Variants in SRGAP2C observed in about 807,000 individuals in gnomAD.
SRGAP2C encodes SLIT-ROBO Rho GTPase-activating protein 2C.
SRGAP2C carries 15 observed loss-of-function variants against 25.1 expected under a neutral mutation model. That is an observed-to-expected ratio of 0.60 (90% CI 0.40 to 0.92). The LOEUF (loss-of-function observed/expected upper bound fraction) is 0.92. SRGAP2C is among the 40% of genes least tolerant of loss of function. The pLI, the probability that SRGAP2C is intolerant of heterozygous loss-of-function variation, is 0.00. For synonymous variants in SRGAP2C, 44 were observed against 96.6 expected (o/e 0.46, Z 3.19); for missense variants, 144 against 264.4 (o/e 0.54, Z 3.16).
chr1:121,376,242 A>T, intron 7 of SRGAP2C, among the ~76,000 whole-genome samples: 3 of 121,314 alleles, frequency 2.5e-5, no homozygotes, highest in Non-Finnish European at 5.2e-5. Context: ...AGTGTATCTC[A>T]TCTCGGAGGC....
chr1:121,277,609 T>A (rs1442394991), intron 2 of SRGAP2C, among the ~76,000 whole-genome samples: 3 of 115,212 alleles, frequency 2.6e-5, no homozygotes, highest in Non-Finnish European at 5.4e-5. Flanking sequence ...GGTCCAGGGA[T>A]AGGGCTGGCT....
intron 4 of SRGAP2C, among the ~76,000 whole-genome samples, chr1:121,328,884 CTGTT>C (rs1658372707): frequency 1.2e-5 from 1 of 82,992 alleles, no homozygotes; most frequent in South Asian, 5.5e-4. Flanking sequence ...CAGACCCTGT[CTGTT>C]TAAAAAAAAA....
chr1:121,282,767 C>G (rs1657278355), intron 2 of SRGAP2C, among the ~76,000 whole-genome samples: 2 of 144,382 alleles, frequency 1.4e-5, no homozygotes, highest in South Asian at 4.4e-4. Context: ...ACCATGTTAG[C>G]CAGGATGGTC....
chr1:121,293,626 T>C (rs1300961470), intron 3 of SRGAP2C, among the ~76,000 whole-genome samples: 30 of 152,276 alleles, frequency 2.0e-4, no homozygotes, highest in Non-Finnish European at 3.2e-4. Flanking sequence ...CCTGGGTCTC[T>C]GGAGTGACAA....
intron 2 of SRGAP2C, among the ~76,000 whole-genome samples, chr1:121,255,642 AC>A (rs1656441971): frequency 6.7e-6 from 1 of 149,540 alleles, no homozygotes; most frequent in Non-Finnish European, 1.5e-5. Flanking sequence ...ACATGGTGAA[AC>A]CCCGTCTCTA....
intron 3 of SRGAP2C, among the ~76,000 whole-genome samples, chr1:121,286,299 T>C (rs1449094290): frequency 7.4e-6 from 1 of 134,798 alleles, no homozygotes. Context: ...CAGGCTGAAG[T>C]ACAATAGCGT....
At chr1:121,308,419 G>C (rs1657897811) in intron 3 of SRGAP2C, among the ~76,000 whole-genome samples, 8 of 151,476 alleles carry the variant, frequency 5.3e-5, no homozygotes, top group Non-Finnish European at 1.2e-4. Flanking sequence ...AGCTACATTA[G>C]GCACAGAAGA....
At position 121,313,699 on chromosome 1, in the gene SRGAP2C, G is replaced by A. The variant is rs1436161800; in HGVS notation, c.261-10779G>A. On this transcript the variant is annotated intron_variant, in intron 3 of 9. Transcript: ENST00000367123. ...TTCTCTTATGAAGCTTAGTTTGGCT[G>A]GATATGAAATTCTGGGTTGAAAATT... is the stretch of plus-strand genomic sequence containing the variant. Among the ~76,000 whole-genome samples the A allele has an allele frequency of 8.3e-5, 8 of 96,272 alleles. 1 individual carries two copies. The highest frequency in any genetic ancestry group is 1.8e-4 in the Non-Finnish European group (8 of 45,428). 63.2% of individuals were successfully genotyped at this position (96,272 alleles called of 152,430 possible). A position where few individuals can be genotyped will look rare whatever the true frequency, so the allele number is the denominator to read the frequency against.
intron 3 of SRGAP2C, among the ~76,000 whole-genome samples, chr1:121,322,121 AAAGAAC>A (rs1658223400): frequency 2.0e-5 from 3 of 149,778 alleles, no homozygotes; most frequent in Non-Finnish European, 2.9e-5. Flanking sequence ...TGCTATAGGG[AAAGAAC>A]CAGTATAGAC....
intron 2 of SRGAP2C, among the ~76,000 whole-genome samples, chr1:121,239,013 A>G (rs781942117): frequency 7.6e-6 from 1 of 130,834 alleles, no homozygotes; most frequent in Non-Finnish European, 1.6e-5. Context: ...GAGGGAGACT[A>G]GAGGCAATAA....
chr1:121,225,717 T>A (rs782494976), intron 2 of SRGAP2C, among the ~76,000 whole-genome samples: 5 of 149,670 alleles, frequency 3.3e-5, no homozygotes, highest in Admixed American at 6.6e-5. Context: ...TTTTAAAACT[T>A]TTTTTTTTTT....
At chr1:121,204,674 T>C (rs1295578939) in intron 2 of SRGAP2C, among the ~76,000 whole-genome samples, 1 of 152,244 alleles carries the variant, frequency 6.6e-6, no homozygotes, top group African/African-American at 2.4e-5. Context: ...TGTTGACGAT[T>C]ATAGGTTGCA....
Position 121,284,984 on chromosome 1 carries a change from C to G in SRGAP2C, c.249C>G (p.Asp83Glu). The G allele has an allele frequency of 6.6e-7, 1 of 1,524,254 alleles. No individual in the cohort carries two copies. The highest frequency in any genetic ancestry group is 8.8e-7 in the Non-Finnish European group (1 of 1,135,036). The allele number at this position is 1,524,254 out of a possible 1,614,324, so 94.4% of individuals were successfully genotyped here. A position where few individuals can be genotyped will look rare whatever the true frequency, so the allele number is the denominator to read the frequency against. Residue 83 changes from aspartate to glutamate, a missense_variant, in exon 3 of 10, where the codon GAC becomes GAG. Asp to Glu is a conservative substitution (Grantham distance 45). Transcript: ENST00000367123. Reference protein sequence around the residue: ...HFLAKTRSTKDQQFKKDQNVL... With the variant: ...HFLAKTRSTKEQQFKKDQNVL... ...TGGCCAAGACACGCAGCACCAAGGA[C>G]CAGCAATTCAAGTAGGGGCTCTGTG...
intron 5 of SRGAP2C, among the ~76,000 whole-genome samples, chr1:121,370,567 G>C (rs1436917178): frequency 1.4e-5 from 2 of 145,324 alleles, no homozygotes; most frequent in African/African-American, 2.5e-5. Flanking sequence ...TCAGCCTCCC[G>C]AGTAGCTGGG....
At chr1:121,223,923 A>G (rs1655599509) in intron 2 of SRGAP2C, among the ~76,000 whole-genome samples, 1 of 123,262 alleles carries the variant, frequency 8.1e-6, no homozygotes, top group Admixed American at 8.7e-5. Flanking sequence ...GCTATAATTA[A>G]TAGTCTGGTC....
chr1:121,309,465 C>T (rs1657930972), intron 3 of SRGAP2C, among the ~76,000 whole-genome samples: 1 of 137,584 alleles, frequency 7.3e-6, no homozygotes. Context: ...GGTACATGTG[C>T]ACATTGTGCA....
chr1:121,370,585 G>T (rs1659458733), intron 5 of SRGAP2C, among the ~76,000 whole-genome samples: 1 of 149,690 alleles, frequency 6.7e-6, no homozygotes, highest in African/African-American at 2.5e-5. Context: ...GGGACTACAG[G>T]CACCCGCCAC....
At chr1:121,303,508 T>C (rs1657745216) in intron 3 of SRGAP2C, among the ~76,000 whole-genome samples, 1 of 152,032 alleles carries the variant, frequency 6.6e-6, no homozygotes, top group African/African-American at 2.4e-5. Context: ...TTGCCTTTAC[T>C]GTGGAGTTGA....
intron 2 of SRGAP2C, among the ~76,000 whole-genome samples, chr1:121,191,523 G>A (rs2101366836): frequency 6.8e-6 from 1 of 147,558 alleles, no homozygotes; most frequent in South Asian, 2.1e-4. Flanking sequence ...ATTAATCTCT[G>A]GAAATTCTTT....
Sources: allele counts gnomAD v4.1 joint callset (sites outside exome capture counted in the v4.1 genomes callset), GRCh38; gene constraint gnomAD v4.1.1; transcripts MANE v1.5; gene names NCBI Gene and HGNC (gene_info 2026-07-23, HGNC 2026-07-21).